Variants in PDE11A observed in about 807,000 individuals in gnomAD.
PDE11A encodes phosphodiesterase 11A, also known as dual 3',5'-cyclic-AMP and -GMP phosphodiesterase 11A.
A neutral mutation model predicts 100.5 loss-of-function variants in PDE11A; 100 were observed. The ratio of observed to expected loss-of-function variants is 1.00; its 90% confidence interval spans 0.85 to 1.18. The LOEUF (loss-of-function observed/expected upper bound fraction) is 1.18. Ranked by LOEUF, PDE11A falls within the 50% of genes most tolerant of loss-of-function variation. The probability of loss-of-function intolerance (pLI) is 0.00; values close to 1 mark genes in which losing one functional copy is unlikely to be tolerated. For missense variants in PDE11A, 1,141 were observed against 1,152.6 expected (o/e 0.99, Z 0.15); for synonymous variants, 381 against 420.8 (o/e 0.91, Z 1.16).
chr2:177,684,574 A>AT (rs2105511518), intron 15 of PDE11A, among the ~76,000 whole-genome samples: 1 of 152,242 alleles, frequency 6.6e-6, no homozygotes, highest in Admixed American at 6.5e-5. Context: ...GGCAGACTTA[A>AT]TGGGGTCTGG....
upstream of PDE11A, among the ~76,000 whole-genome samples, chr2:178,076,359 T>C (rs1039239037): frequency 5.9e-5 from 9 of 152,380 alleles, no homozygotes; most frequent in Admixed American, 1.3e-4. Context: ...GTACTTTCAA[T>C]GTGCAAAACA....
chr2:177,839,080 G>C (rs2105620915), intron 6 of PDE11A, among the ~76,000 whole-genome samples: 1 of 152,264 alleles, frequency 6.6e-6, no homozygotes, highest in South Asian at 2.1e-4. Flanking sequence ...CAGGGAGGTG[G>C]TAAGTTTGGG....
intron 9 of PDE11A, among the ~76,000 whole-genome samples, chr2:177,781,545 C>G (rs2082454235): frequency 6.6e-6 from 1 of 151,546 alleles, no homozygotes; most frequent in African/African-American, 2.4e-5. Flanking sequence ...CTCTGTTCCC[C>G]AGGCTGGAGT....
intron 10 of PDE11A, among the ~76,000 whole-genome samples, chr2:177,768,672 C>T (rs1558928969): frequency 6.6e-6 from 1 of 152,166 alleles, no homozygotes; most frequent in Non-Finnish European, 1.5e-5. Flanking sequence ...GAATATCTAA[C>T]ACTCATTCAT....
At chr2:177,734,956 C>T (rs542462127) in intron 10 of PDE11A, among the ~76,000 whole-genome samples, 7 of 152,184 alleles carry the variant, frequency 4.6e-5, no homozygotes, top group African/African-American at 1.2e-4. Flanking sequence ...CCCAGGAGAC[C>T]GCCCAGTTTA....
intron 17 of PDE11A, among the ~76,000 whole-genome samples, chr2:177,673,713 A>G (rs2080722130): frequency 6.6e-6 from 1 of 152,158 alleles, no homozygotes; most frequent in East Asian, 1.9e-4. Context: ...AGGGAGAATG[A>G]ATCACATTTT....
intron 6 of PDE11A, among the ~76,000 whole-genome samples, chr2:177,838,864 A>C (rs1167915638): frequency 1.3e-5 from 2 of 152,224 alleles, no homozygotes; most frequent in African/African-American, 4.8e-5. Flanking sequence ...AACTTTCCCA[A>C]GGAAAGGTAA....
At chr2:177,757,781 G>C (rs1270025691) in intron 10 of PDE11A, among the ~76,000 whole-genome samples, 1 of 152,102 alleles carries the variant, frequency 6.6e-6, no homozygotes, top group Non-Finnish European at 1.5e-5. Flanking sequence ...CCAGCCTGGG[G>C]GGATGAGGTG....
chr2:177,664,942 G>C (rs1544001), intron 18 of PDE11A, among the ~76,000 whole-genome samples: 123,834 of 152,062 alleles, frequency 0.81, 51,139 homozygotes, highest in East Asian at 0.98. Context: ...ATCCTGCATC[G>C]TTCAGATGTA....
intron 1 of PDE11A, among the ~76,000 whole-genome samples, chr2:178,054,650 A>G (rs1281187122): frequency 6.6e-6 from 1 of 152,212 alleles, no homozygotes; most frequent in Admixed American, 6.5e-5. Context: ...ACAAATTTAT[A>G]AGAAAAATCA....
chr2:178,001,800 T>C (rs1047282960), intron 2 of PDE11A, among the ~76,000 whole-genome samples: 2 of 152,224 alleles, frequency 1.3e-5, no homozygotes, highest in Non-Finnish European at 2.9e-5. Flanking sequence ...TTCATGAAGC[T>C]TACTGAATAG....
intron 5 of PDE11A, among the ~76,000 whole-genome samples, chr2:177,865,596 A>T (rs1204084209): frequency 1.3e-5 from 2 of 152,226 alleles, no homozygotes; most frequent in Non-Finnish European, 2.9e-5. Context: ...TAGCCAAAAA[A>T]GTAGAAACAA....
chr2:177,783,323 T>C (rs2082481068), intron 9 of PDE11A, among the ~76,000 whole-genome samples: 1 of 152,206 alleles, frequency 6.6e-6, no homozygotes, highest in Non-Finnish European at 1.5e-5. Flanking sequence ...TTCATTCACC[T>C]TGTTATACTT....
intron 15 of PDE11A, among the ~76,000 whole-genome samples, chr2:177,681,296 G>A (rs1176172389): frequency 1.3e-5 from 2 of 152,224 alleles, no homozygotes; most frequent in East Asian, 3.8e-4. Context: ...AAAGAATTGA[G>A]CTGCATGATG....
chr2:177,785,088 G>T (rs1178077976), intron 9 of PDE11A, among the ~76,000 whole-genome samples: 1 of 152,204 alleles, frequency 6.6e-6, no homozygotes, highest in Non-Finnish European at 1.5e-5. Context: ...TAGGGGCTTT[G>T]TGTCAGACTG....
chr2:177,874,018 A>T (rs1467550289), intron 5 of PDE11A, among the ~76,000 whole-genome samples: 1 of 152,252 alleles, frequency 6.6e-6, no homozygotes, highest in East Asian at 1.9e-4. Flanking sequence ...TTTAGTTTCT[A>T]CTAAACTTTC....
intron 5 of PDE11A, among the ~76,000 whole-genome samples, chr2:177,849,609 C>G (rs969944172): frequency 1.1e-4 from 17 of 151,642 alleles, no homozygotes; most frequent in Admixed American, 8.5e-4. Context: ...GAATAAAATA[C>G]CTTTTATTTA....
intron 6 of PDE11A, among the ~76,000 whole-genome samples, chr2:177,835,740 G>A (rs759417271): frequency 3.9e-5 from 6 of 152,186 alleles, no homozygotes; most frequent in East Asian, 1.9e-4. Flanking sequence ...CTGGGTGGGC[G>A]TGGGCTCCGC....
chr2:177,753,934 C>G (rs2082056496), intron 10 of PDE11A, among the ~76,000 whole-genome samples: 1 of 152,074 alleles, frequency 6.6e-6, no homozygotes, highest in African/African-American at 2.4e-5. Context: ...TGAGAGGCTT[C>G]TGTGTCCAAA....
Sources: allele counts gnomAD v4.1 joint callset (sites outside exome capture counted in the v4.1 genomes callset), GRCh38; gene constraint gnomAD v4.1.1; transcripts MANE v1.5; gene names NCBI Gene and HGNC (gene_info 2026-07-23, HGNC 2026-07-21).